Variants in NDE1 observed in about 807,000 individuals in gnomAD.
The protein encoded by NDE1 is nudE neurodevelopment protein 1, also known as nuclear distribution protein nudE homolog 1.
NDE1 carries 28 observed loss-of-function variants against 43.4 expected under a neutral mutation model. That is an observed-to-expected ratio of 0.65 (90% CI 0.48 to 0.89). The LOEUF is 0.89. NDE1 is among the 40% of genes least tolerant of loss of function. NDE1 has a pLI of 0.00. For synonymous variants in NDE1, 184 were observed against 172.0 expected (o/e 1.07, Z -0.55); for missense variants, 441 against 434.1 (o/e 1.02, Z -0.14).
chr16:15,694,286 C>T, intron 7 of NDE1, 30 bp downstream of exon 7: 1 of 1,607,652 alleles, frequency 6.2e-7, no homozygotes, highest in Non-Finnish European at 8.5e-7. Context: ...GCGTTTGGTG[C>T]CTTCCTGCCT....
intron 1 of NDE1, chr16:15,643,968 C>T (rs1215798037): frequency 6.6e-6 from 1 of 151,804 alleles, no homozygotes; most frequent in Non-Finnish European, 1.5e-5. Context: ...GCCAGATATG[C>T]TGTGTGGTTT....
At chr16:15,697,463 G>T (rs1032995207) in intron 8 of NDE1, among the ~76,000 whole-genome samples, 1 of 152,094 alleles carries the variant, frequency 6.6e-6, no homozygotes, top group Non-Finnish European at 1.5e-5. Flanking sequence ...AATCCCAGCA[G>T]TCTGGGAGGC....
At chr16:15,661,586 C>T (rs1405728893) in intron 1 of NDE1, among the ~76,000 whole-genome samples, 4 of 152,012 alleles carry the variant, frequency 2.6e-5, no homozygotes, top group Admixed American at 2.6e-4. Context: ...GCTGGAACTA[C>T]AGACACACCA....
At chr16:15,723,068 CCT>C (rs1344913332) in intron 8 of NDE1, among the ~76,000 whole-genome samples, 1 of 152,018 alleles carries the variant, frequency 6.6e-6, no homozygotes, top group African/African-American at 2.4e-5. Flanking sequence ...TTAGAATAAC[CCT>C]GAGTCACTTG....
Position 15,725,271 on chromosome 16 carries a change from C to T in NDE1, c.*1020C>T. On this transcript the variant is annotated 3_prime_UTR_variant, in exon 9 of 9. Coordinates refer to ENST00000396354, the MANE Select transcript of NDE1 (RefSeq NM_017668.3). ...CTTATTTGAGCCCCAATGGTATTGA[C>T]TGGGACCTGATCCCACTAAATGGAT... 1 of 587,700 alleles carries T rather than the reference C, an allele frequency of 1.7e-6. No homozygotes were observed. The highest frequency in any genetic ancestry group is 3.0e-6 in the Non-Finnish European group (1 of 332,266). 36.4% of individuals were successfully genotyped at this position (587,700 alleles called of 1,614,324 possible). A position where few individuals can be genotyped will look rare whatever the true frequency, so the allele number is the denominator to read the frequency against.
chr16:15,681,253 CTTTTTTTTTTTTTTTT>C (rs71134448), intron 4 of NDE1, among the ~76,000 whole-genome samples: 9 of 31,428 alleles, frequency 2.9e-4, no homozygotes, highest in Non-Finnish European at 3.3e-4. Flanking sequence ...TAAACACTGC[CTTTTTTTTTTTTTTTT>C]TTTTTTTTTT....
chr16:15,667,280 C>T lies in NDE1; in HGVS notation c.84-6C>T, dbSNP rs1478489455. The T allele has an allele frequency of 6.2e-7, 1 of 1,613,890 alleles. No homozygotes were observed. The highest frequency in any genetic ancestry group is 1.3e-5 in the African/African-American group (1 of 74,884). On this transcript the variant is annotated splice_polypyrimidine_tract_variant and splice_region_variant and intron_variant, in intron 2 of 8. Coordinates refer to ENST00000396354, the MANE Select transcript of NDE1 (RefSeq NM_017668.3). ...TACTACGTGATGATTAACAATTTTG[C>T]TGTAGGGCAGAAAATACGCAAGAGG...
At chr16:15,663,564 C>T (rs1334582825) in intron 1 of NDE1, among the ~76,000 whole-genome samples, 3 of 152,072 alleles carry the variant, frequency 2.0e-5, no homozygotes, top group South Asian at 2.1e-4. Flanking sequence ...TTCACATGCT[C>T]CTCATGTGTC....
rs181094660 is a variant in NDE1, at chr16:15,652,632, G to T, written c.-44+2338G>T. 1.7e-4 allele frequency among the ~76,000 whole-genome samples: 26 copies of T among 152,216 alleles called. No homozygotes were observed. The East Asian group carries it at 4.6e-3, about 27-fold the overall frequency. ...GGTTCAGTAGAATAAAATTATCCTG[G>T]AACAATAGCTATTTTACTTTTTGTC... On this transcript the variant is annotated intron_variant, in intron 1 of 8. Coordinates refer to ENST00000396354, the MANE Select transcript of NDE1 (RefSeq NM_017668.3).
At chr16:15,701,599 G>A (rs899083577) in intron 8 of NDE1, 11 of 152,346 alleles carry the variant, frequency 7.2e-5, no homozygotes, top group African/African-American at 2.4e-4. Context: ...GTGAACGTGG[G>A]ATTTCCAACG....
intron 8 of NDE1, chr16:15,721,745 G>C (rs1271699575): frequency 1.2e-5 from 13 of 1,113,984 alleles, no homozygotes; most frequent in Non-Finnish European, 1.8e-5. Context: ...AGGTGCAGGT[G>C]TAAGCAGTGT....
rs1426306901 is a variant in NDE1 at position 15,666,778 on chromosome 16, G to A, written c.84-508G>A. On this transcript the variant is annotated intron_variant, in intron 2 of 8. Transcript: ENST00000396354. ...TGGGACTACAGGCGTGTGCCACCAT[G>A]TCTGGCTGATTTTTAAACACATTTC... is the stretch of plus-strand genomic sequence containing the variant. Among the ~76,000 whole-genome samples, 3 of 152,050 alleles carry A rather than the reference G, an allele frequency of 2.0e-5. No individual in the cohort carries two copies. The East Asian group carries it at 5.8e-4, about 29-fold the overall frequency.
intron 1 of NDE1, among the ~76,000 whole-genome samples, chr16:15,654,456 C>T (rs374411925): frequency 6.6e-6 from 1 of 151,526 alleles, no homozygotes; most frequent in African/African-American, 2.4e-5. Flanking sequence ...AAAAAATTAG[C>T]CAGTCGTGGT....
At chr16:15,673,415 G>C (rs1305461842) in intron 3 of NDE1, among the ~76,000 whole-genome samples, 1 of 152,042 alleles carries the variant, frequency 6.6e-6, no homozygotes, top group African/African-American at 2.4e-5. Flanking sequence ...GTGTTGGCCA[G>C]GCTGTTCTCA....
At chr16:15,650,064 A>G (rs976652288), upstream of NDE1, among the ~76,000 whole-genome samples, 1 of 152,178 alleles carries the variant, frequency 6.6e-6, no homozygotes, top group African/African-American at 2.4e-5. Flanking sequence ...CCCTCCGGCC[A>G]GGAGCCTTCG....
rs527705458 is a variant in NDE1, at chr16:15,725,160, CACAA to C, written c.*911_*914del. On this transcript the variant is annotated 3_prime_UTR_variant, in exon 9 of 9. Coordinates refer to ENST00000396354, the MANE Select transcript of NDE1 (RefSeq NM_017668.3). The stretch of plus-strand genomic sequence containing the variant: ...AAAAAAAAAAAAAAACACACACACA[CACAA>C]AAAAAACAGAATCTGTGGCTTGAAG... 6.3e-4 allele frequency: 411 copies of C among 649,860 alleles called. 2 individuals are homozygous for C. The African/African-American group carries it at 6.4e-3, about 10-fold the overall frequency. 40.3% of individuals were successfully genotyped at this position (649,860 alleles called of 1,614,324 possible).
intron 4 of NDE1, chr16:15,686,954 C>T: frequency 1.0e-6 from 1 of 984,944 alleles, no homozygotes; most frequent in Middle Eastern, 5.2e-4. Flanking sequence ...GCCTCGGCCT[C>T]CCAAAGGGCT....
At chr16:15,717,904 T>G (rs2040250118) in intron 8 of NDE1, 1 of 307,238 alleles carries the variant, frequency 3.3e-6, no homozygotes, top group South Asian at 3.4e-5. Flanking sequence ...CTGTTCACCC[T>G]ACACCACAAG....
intron 1 of NDE1, among the ~76,000 whole-genome samples, chr16:15,655,689 T>C (rs1221219701): frequency 4.6e-5 from 7 of 152,132 alleles, no homozygotes; most frequent in Admixed American, 4.6e-4. Context: ...CGTATGTTTA[T>C]TGCGGCATTA....
Sources: gnomAD v4.1 joint callset for allele counts (sites outside exome capture counted in the v4.1 genomes callset) on GRCh38, gnomAD v4.1.1 for gene constraint, MANE v1.5 for transcripts, NCBI Gene and HGNC (gene_info 2026-07-23, HGNC 2026-07-21) for gene names.